The following RASGRF2 variants were observed in gnomAD, a reference collection of about 807,000 sequenced individuals.
RASGRF2 encodes Ras protein specific guanine nucleotide releasing factor 2, also known as ras-specific guanine nucleotide-releasing factor 2.
RASGRF2 carries 76 observed loss-of-function variants against 151.0 expected under a neutral mutation model. The observed-to-expected ratio is 0.50, with a 90% confidence interval of 0.42 to 0.61. RASGRF2 has a LOEUF of 0.61. Ranked by LOEUF, RASGRF2 falls within the 20% of genes least tolerant of loss-of-function variation. The pLI, the probability that RASGRF2 is intolerant of heterozygous loss-of-function variation, is 0.00. For synonymous variants in RASGRF2, 504 were observed against 566.5 expected, an observed-to-expected ratio of 0.89 and a Z score of 1.57; for missense variants, 1,148 against 1,564.6, an observed-to-expected ratio of 0.73 and a Z score of 4.49.
chr5:81,227,581 C>G lies in RASGRF2; in HGVS notation c.*1811C>G, dbSNP rs1434078298. 1.3e-5 allele frequency: 2 copies of G among 152,134 alleles called. No homozygotes were observed. The highest frequency in any genetic ancestry group is 2.9e-5 in the Non-Finnish European group (2 of 68,028). The allele number at this position is 152,134 out of a possible 1,614,324, so 9.4% of individuals were successfully genotyped here. ...CTGTTTGGATCCTAACAACGCATAA[C>G]TTGTGATTTATTTCTCAGTGCTCCA... On this transcript the variant is annotated 3_prime_UTR_variant, in exon 27 of 27. Transcript: ENST00000265080.
intron 11 of RASGRF2, among the ~76,000 whole-genome samples, 166 bp from the exon 12 acceptor site, chr5:81,094,690 T>C (rs1752493916): frequency 6.6e-6 from 1 of 152,146 alleles, no homozygotes; most frequent in Non-Finnish European, 1.5e-5. Flanking sequence ...TTCATCTGCT[T>C]ATGAGCTTAA....
intron 17 of RASGRF2, among the ~76,000 whole-genome samples, chr5:81,146,242 G>A (rs1754001979): frequency 6.6e-6 from 1 of 152,172 alleles, no homozygotes; most frequent in African/African-American, 2.4e-5. Context: ...GCAATAAGAA[G>A]GAACTTAATG....
intron 1 of RASGRF2, among the ~76,000 whole-genome samples, chr5:80,970,142 G>A (rs1247447024): frequency 6.6e-6 from 1 of 152,106 alleles, no homozygotes. Flanking sequence ...TTTCAACAGT[G>A]AGAATGTCAT....
At chr5:81,028,610 G>T (rs1318892915) in intron 1 of RASGRF2, among the ~76,000 whole-genome samples, 1 of 152,118 alleles carries the variant, frequency 6.6e-6, no homozygotes, top group Non-Finnish European at 1.5e-5. Flanking sequence ...TCAAGGACAG[G>T]TAGATATGAA....
chr5:81,206,204 T>C (rs1304894023), intron 19 of RASGRF2, among the ~76,000 whole-genome samples: 1 of 151,998 alleles, frequency 6.6e-6, no homozygotes, highest in East Asian at 1.9e-4. Context: ...CATTCATTCA[T>C]TCATCATTTA....
At chr5:81,163,387 A>G (rs977043930) in intron 17 of RASGRF2, among the ~76,000 whole-genome samples, 6 of 152,160 alleles carry the variant, frequency 3.9e-5, no homozygotes, top group African/African-American at 1.4e-4. Flanking sequence ...AGTTATGCTT[A>G]TGAAAGAACG....
chr5:81,066,490 C>G (rs1416458906), intron 2 of RASGRF2, among the ~76,000 whole-genome samples: 1 of 152,168 alleles, frequency 6.6e-6, no homozygotes, highest in Non-Finnish European at 1.5e-5. Flanking sequence ...CAGGACACTG[C>G]AGTATCTCCC....
intron 1 of RASGRF2, among the ~76,000 whole-genome samples, chr5:81,006,282 T>A (rs979858824): frequency 3.9e-5 from 6 of 152,180 alleles, no homozygotes; most frequent in Non-Finnish European, 2.9e-5. Flanking sequence ...CAATGCACAG[T>A]TTTCTATGGG....
chr5:81,091,829 T>C (rs1752397371), intron 9 of RASGRF2, among the ~76,000 whole-genome samples: 1 of 152,190 alleles, frequency 6.6e-6, no homozygotes, highest in Admixed American at 6.5e-5. Context: ...CTGTTGTTAA[T>C]GTTCAAGGGT....
At chr5:81,036,423 A>C (rs1440470928) in intron 1 of RASGRF2, among the ~76,000 whole-genome samples, 2 of 152,088 alleles carry the variant, frequency 1.3e-5, no homozygotes, top group Non-Finnish European at 2.9e-5. Flanking sequence ...TATTAACACT[A>C]TCATTGGAAA....
chr5:80,960,936 C>T lies in RASGRF2; in HGVS notation c.198C>T (p.Tyr66=), dbSNP rs1401892608. 6.3e-7 allele frequency: 1 copy of T among 1,589,696 alleles called. No individual in the cohort carries two copies. Among genetic ancestry groups the T allele is most frequent in the Admixed American group, 1.7e-5 (1 of 59,224 alleles). The change falls in exon 1 of 27, where the codon TAC becomes TAT. Residue 66 remains tyrosine (Y), a synonymous_variant. Transcript: ENST00000265080. The surrounding 1 kb of genome is among the most constrained non-coding windows in gnomAD (Gnocchi z 5.5). ...AGAGCTGCCGCCCGGCGGGCATGTA[C>T]CTCCTGGAGGGCTGCAGCTGCGAAC... The part of the protein sequence containing the change: ...GEQSCRPAGM[Y]LLEGCSCERT...
intron 1 of RASGRF2, among the ~76,000 whole-genome samples, chr5:80,988,517 A>G (rs960028541): frequency 2.0e-5 from 3 of 152,172 alleles, no homozygotes; most frequent in African/African-American, 7.2e-5. Context: ...TAATTGATGT[A>G]TATAGTCCAG....
chr5:80,982,920 A>T (rs1214012542), intron 1 of RASGRF2, among the ~76,000 whole-genome samples: 2 of 152,216 alleles, frequency 1.3e-5, no homozygotes, highest in African/African-American at 2.4e-5. Flanking sequence ...TTCTATTATT[A>T]ATCAAGTTTA....
intron 1 of RASGRF2, among the ~76,000 whole-genome samples, chr5:81,004,015 T>C (rs1252832913): frequency 6.6e-6 from 1 of 152,204 alleles, no homozygotes; most frequent in Non-Finnish European, 1.5e-5. Context: ...GCTAGTCAGT[T>C]GCACATGGTC....
At chr5:81,056,903 G>C (rs201775438) in intron 2 of RASGRF2, among the ~76,000 whole-genome samples, 22,849 of 151,872 alleles carry the variant, frequency 0.15, 2,145 homozygotes, top group East Asian at 0.37. Context: ...TGTCTCTTTT[G>C]ATCTTTGTTG....
intron 1 of RASGRF2, among the ~76,000 whole-genome samples, chr5:81,003,841 G>A (rs920511667): frequency 2.0e-5 from 3 of 152,200 alleles, no homozygotes; most frequent in Non-Finnish European, 4.4e-5. Context: ...CTGCATTTTA[G>A]GAAATAGAAG....
At chr5:81,193,820 A>T (rs1227521318) in intron 18 of RASGRF2, among the ~76,000 whole-genome samples, 1 of 152,184 alleles carries the variant, frequency 6.6e-6, no homozygotes, top group Non-Finnish European at 1.5e-5. Context: ...GCCCAGCTCG[A>T]TAGTTGCTTT....
chr5:80,982,837 T>C (rs1163994174), intron 1 of RASGRF2, among the ~76,000 whole-genome samples: 1 of 152,004 alleles, frequency 6.6e-6, no homozygotes, highest in African/African-American at 2.4e-5. Flanking sequence ...CCTGACCTCA[T>C]GATCTGCCCG....
chr5:81,052,056 A>T (rs1047709707), intron 2 of RASGRF2, among the ~76,000 whole-genome samples: 4 of 152,204 alleles, frequency 2.6e-5, no homozygotes, highest in African/African-American at 9.6e-5. Context: ...TTCTTGTTGA[A>T]TTAATATAGT....
Sources: gnomAD v4.1 joint callset for allele counts (sites outside exome capture counted in the v4.1 genomes callset) on GRCh38, gnomAD v4.1.1 for gene constraint, Gnocchi (gnomAD v3.1) non-coding constraint, MANE v1.5 for transcripts, NCBI Gene and HGNC (gene_info 2026-07-23, HGNC 2026-07-21) for gene names.